ARID2: variants seen among roughly 807,000 people sequenced by gnomAD.
The protein encoded by ARID2 is AT-rich interactive domain-containing protein 2.
Under a neutral mutation model 184.6 loss-of-function variants are expected in ARID2, and 32 were observed. The ratio of observed to expected loss-of-function variants is 0.17; its 90% CI spans 0.13 to 0.23. The LOEUF is 0.23. ARID2 is among the 10% of genes least tolerant of loss of function. ARID2 has a pLI of 1.00. For synonymous variants in ARID2, 836 were observed against 772.6 expected (o/e 1.08, Z -1.36); for missense variants, 1,696 against 2,197.6 (o/e 0.77, Z 4.56).
At chr12:45,899,184 A>G (rs757690681) in intron 20 of ARID2, among the ~76,000 whole-genome samples, 44 of 149,064 alleles carry the variant, frequency 3.0e-4, no homozygotes, top group Non-Finnish European at 5.6e-4. Flanking sequence ...AGGCAGGAGA[A>G]TCATTTGAAC....
rs115376719 is a variant in ARID2 at position 45,760,896 on chromosome 12, C to T, written c.284+29582C>T. Among the ~76,000 whole-genome samples, 785 of 151,968 alleles carry T rather than the reference C, an allele frequency of 5.2e-3. 11 individuals carry two copies. The highest frequency in any genetic ancestry group is 0.018 in the African/African-American group (747 of 41,432). On this transcript the variant is annotated intron_variant, in intron 3 of 20. Transcript: ENST00000334344. ...TAGTTTTTAGCGATAGGGTCTGGCT[C>T]TGTTGCCTGGGCTGGAGTGCAGTGG...
chr12:45,783,294 T>C (rs996914538), intron 3 of ARID2, among the ~76,000 whole-genome samples: 8 of 152,172 alleles, frequency 5.3e-5, no homozygotes, highest in Non-Finnish European at 1.2e-4. Context: ...TAACTAAATA[T>C]GAAATTAGCT....
At chr12:45,819,500 CAT>C (rs1942858546) in intron 5 of ARID2, among the ~76,000 whole-genome samples, 1 of 151,970 alleles carries the variant, frequency 6.6e-6, no homozygotes, top group Admixed American at 6.6e-5. Context: ...AGGTTGTAGA[CAT>C]ATTTTATTTG....
intron 3 of ARID2, 110 bp downstream of exon 3, chr12:45,731,424 T>G (rs1171868419): frequency 4.2e-6 from 3 of 722,714 alleles, no homozygotes; most frequent in Non-Finnish European, 7.2e-6. Context: ...TCTTAAGCTC[T>G]TGTTCATTTC....
At chr12:45,789,187 AC>A (rs1175053413) in intron 3 of ARID2, 1 of 152,206 alleles carries the variant, frequency 6.6e-6, no homozygotes, top group Non-Finnish European at 1.5e-5. Context: ...AATAATGACA[AC>A]CAGTGATGCC....
chr12:45,827,468 T>C (rs1286659474), intron 6 of ARID2, among the ~76,000 whole-genome samples: 1 of 152,166 alleles, frequency 6.6e-6, no homozygotes, highest in Non-Finnish European at 1.5e-5. Context: ...CCAATACTTT[T>C]CCAGACACTG....
intron 16 of ARID2, among the ~76,000 whole-genome samples, chr12:45,862,157 A>G (rs562217591): frequency 6.6e-6 from 1 of 151,632 alleles, no homozygotes; most frequent in South Asian, 2.1e-4. Context: ...ACTGTGGATC[A>G]TTTTAGTAGG....
intron 16 of ARID2, among the ~76,000 whole-genome samples, chr12:45,876,398 A>G (rs1944008973): frequency 6.6e-6 from 1 of 152,034 alleles, no homozygotes; most frequent in Non-Finnish European, 1.5e-5. Context: ...TAAAAATACA[A>G]AATTAGCCAG....
At chr12:45,824,403 C>G (rs535200031) in intron 6 of ARID2, among the ~76,000 whole-genome samples, 2 of 151,938 alleles carry the variant, frequency 1.3e-5, no homozygotes, top group East Asian at 3.9e-4. Context: ...TCTCATTCAA[C>G]ATTGTATTGG....
chr12:45,776,623 T>C (rs1158344936), intron 3 of ARID2, among the ~76,000 whole-genome samples: 1 of 152,086 alleles, frequency 6.6e-6, no homozygotes, highest in African/African-American at 2.4e-5. Flanking sequence ...AATCAAAGGA[T>C]TTTTTTAAAA....
intron 20 of ARID2, among the ~76,000 whole-genome samples, chr12:45,898,848 A>G (rs1306115789): frequency 1.3e-5 from 2 of 151,858 alleles, no homozygotes; most frequent in Non-Finnish European, 2.9e-5. Context: ...CAGGAGGCGG[A>G]TGTTGCAGTG....
chr12:45,830,740 A>G (rs1943102923), intron 6 of ARID2, among the ~76,000 whole-genome samples: 1 of 152,138 alleles, frequency 6.6e-6, no homozygotes, highest in Non-Finnish European at 1.5e-5. Context: ...TATAATCACT[A>G]ATCACATGAA....
chr12:45,824,909 G>A (rs949701935), intron 6 of ARID2, among the ~76,000 whole-genome samples: 3 of 150,504 alleles, frequency 2.0e-5, no homozygotes, highest in Non-Finnish European at 4.4e-5. Flanking sequence ...ATACTATTCA[G>A]CCCTAAAAGG....
intron 18 of ARID2, 77 bp from the exon 19 acceptor site, chr12:45,893,343 G>A (rs2136461815): frequency 1.3e-6 from 2 of 1,497,310 alleles, no homozygotes; most frequent in African/African-American, 1.4e-5. Flanking sequence ...AAAGGGGTTG[G>A]CAGGGTGGTC....
At chr12:45,804,514 A>G (rs1273121627) in intron 3 of ARID2, among the ~76,000 whole-genome samples, 4 of 150,888 alleles carry the variant, frequency 2.7e-5, no homozygotes, top group South Asian at 2.1e-4. Context: ...GTGTGTCTGT[A>G]TGTAGTCTTT....
At chr12:45,852,976 C>A in intron 15 of ARID2, 80 bp downstream of exon 15, 1 of 1,435,562 alleles carries the variant, frequency 7.0e-7, no homozygotes, top group South Asian at 1.5e-5. Flanking sequence ...GCACTGTTTT[C>A]CATGTCTCAT....
At chr12:45,793,820 G>T in intron 3 of ARID2, among the ~76,000 whole-genome samples, 1 of 146,024 alleles carries the variant, frequency 6.8e-6, no homozygotes, top group African/African-American at 2.5e-5. Context: ...CAGGTCTGCT[G>T]GTTTTAAAAA....
intron 6 of ARID2, among the ~76,000 whole-genome samples, chr12:45,827,930 C>T (rs1053449997): frequency 5.9e-5 from 9 of 151,948 alleles, no homozygotes; most frequent in South Asian, 4.2e-4. Flanking sequence ...ATATGTTAAT[C>T]GTATTATTAT....
intron 3 of ARID2, among the ~76,000 whole-genome samples, chr12:45,748,229 G>T (rs1941395361): frequency 6.6e-6 from 1 of 151,952 alleles, no homozygotes; most frequent in Non-Finnish European, 1.5e-5. Context: ...CTCTACAAAA[G>T]AAAATGTTTT....
Sources: allele counts gnomAD v4.1 joint callset (sites outside exome capture counted in the v4.1 genomes callset), GRCh38; gene constraint gnomAD v4.1.1; transcripts MANE v1.5; gene names NCBI Gene and HGNC (gene_info 2026-07-23, HGNC 2026-07-21).